Variants in IRX4 observed in about 807,000 individuals in gnomAD.
IRX4 encodes iroquois homeobox 4, also known as iroquois-class homeodomain protein IRX-4.
In IRX4, 22 loss-of-function variants were observed where a neutral mutation model predicts 32.0. The observed-to-expected ratio is 0.69, with a 90% CI of 0.49 to 0.98. The LOEUF is 0.98. Among genes scored for constraint, IRX4 ranks in the 50% least tolerant of loss-of-function variants. The pLI, the probability that IRX4 is intolerant of heterozygous loss-of-function variation, is 0.00. For missense variants in IRX4, 840 were observed against 744.2 expected (o/e 1.13, Z -1.50); for synonymous variants, 379 against 351.7 (o/e 1.08, Z -0.87).
At chr5:1,885,807 G>C (rs1420905024), upstream of IRX4, among the ~76,000 whole-genome samples, 1 of 152,278 alleles carries the variant, frequency 6.6e-6, no homozygotes, top group Non-Finnish European at 1.5e-5. Context: ...CAAGCCTGGA[G>C]CGGAGGCACC....
chr5:1,880,962 A>T (rs1222395814), intron 2 of IRX4, 128 bp from the exon 3 acceptor site: 1 of 737,952 alleles, frequency 1.4e-6, no homozygotes, highest in Non-Finnish European at 2.4e-6. Context: ...CCCGGCAGGA[A>T]GGAGCTGATT....
chr5:1,886,771 T>G (rs566742339), upstream of IRX4: 1 of 150,036 alleles, frequency 6.7e-6, no homozygotes, highest in South Asian at 2.1e-4. Flanking sequence ...CGCAGCGGCC[T>G]CTGGAGAGCC....
In IRX4 at chr5:1,878,542, G is replaced by A. The variant is rs913933351; in HGVS notation, c.987C>T (p.Ser329=). 2.7e-6 allele frequency: 4 copies of A among 1,476,400 alleles called. No individual in the cohort carries two copies. Among genetic ancestry groups the A allele is most frequent in the Admixed American group, 2.5e-5 (1 of 40,378 alleles). The allele number at this position is 1,476,400 out of a possible 1,614,324, so 91.5% of individuals were successfully genotyped here. A position where few individuals can be genotyped will look rare whatever the true frequency, so the allele number is the denominator to read the frequency against. Residue 329 remains serine (S), a synonymous_variant, in exon 5 of 5, where the codon AGC becomes AGT. Transcript: ENST00000231357. Reference sequence around the variant, plus strand: ...GCAGTGGCTCCGGCCCGGCCGCCGCGCTGCGGAGACAGCTCCGGGCCCTCT... The same window carrying A: ...GCAGTGGCTCCGGCCCGGCCGCCGCACTGCGGAGACAGCTCCGGGCCCTCT... ...DLERARSCLR[S]AAAGPEPLPG...
upstream of IRX4, chr5:1,884,039 C>G (rs955091186): frequency 1.3e-5 from 2 of 152,378 alleles, no homozygotes; most frequent in Non-Finnish European, 2.9e-5. Context: ...CCAGGACTCC[C>G]TCGGCCAGTA....
Position 1,878,476 on chromosome 5 carries a change from C to G in IRX4, c.1053G>C (p.Leu351=). The G allele has an allele frequency of 6.9e-7, 1 of 1,448,940 alleles. No individual in the cohort carries two copies. The highest frequency in any genetic ancestry group is 9.0e-7 in the Non-Finnish European group (1 of 1,107,248). 89.8% of individuals were successfully genotyped at this position (1,448,940 alleles called of 1,614,324 possible). The change falls in exon 5 of 5, where the codon CTG becomes CTC. Residue 351 remains leucine (L), a synonymous_variant. Transcript: ENST00000231357. ...CCGACGCCCCCGCCGGCACAAACCCCAGCTTGGCCTCGCAGACCTGAGGGC... is the reference window on the plus strand; with the variant it reads ...CCGACGCCCCCGCCGGCACAAACCCGAGCTTGGCCTCGCAGACCTGAGGGC... ...EGGPQVCEAK[L]GFVPAGASAG...
chr5:1,878,779 T>G lies in IRX4; in HGVS notation c.750A>C (p.Lys250Asn). Residue 250 changes from lysine (K) to asparagine (N), a missense_variant, in exon 5 of 5, where the codon AAA becomes AAC. Around this residue, in one of 3 missense-constraint regions of IRX4, gnomAD observed 585 missense variants for 488.0 expected, o/e 1.20. Coordinates refer to ENST00000231357, the MANE Select transcript of IRX4 (RefSeq NM_016358.3). ...CACTAAGCTCCAGCTCCTTCTCCTC[T>G]TTGCCCACGGGCTCTGCGGGAGAGA... Reference protein sequence around the residue: ...KSSKNAEPVGKEEKELELSDL... With the variant: ...KSSKNAEPVGNEEKELELSDL... 2 of 1,613,230 alleles carry G rather than the reference T, an allele frequency of 1.2e-6. No homozygotes were observed. Among genetic ancestry groups the G allele is most frequent in the Non-Finnish European group, 1.7e-6 (2 of 1,179,878 alleles).
chr5:1,878,400 C>T lies in IRX4; in HGVS notation c.1129G>A (p.Ala377Thr), dbSNP rs1269204153. ...AGGGAGGTGGCGGCGGCGGCGGCGG[C>T]GGTGGCTGTGTGGGCCAGGGACCAG... ...RIWSLAHTAT[A>T]AAAAATSLSQ... Residue 377 changes from alanine to threonine, a missense_variant, in exon 5 of 5, where the codon GCC (alanine) becomes ACC (threonine). This residue lies in a region of IRX4 where 585 missense variants were observed against 488.0 expected (regional missense o/e 1.20). Coordinates refer to ENST00000231357, the MANE Select transcript of IRX4 (RefSeq NM_016358.3). The T allele has an allele frequency of 2.4e-5, 37 of 1,517,962 alleles. No homozygotes were observed. Among genetic ancestry groups the T allele is most frequent in the South Asian group, 6.2e-5 (5 of 81,146 alleles). The allele number at this position is 1,517,962 out of a possible 1,614,324, so 94.0% of individuals were successfully genotyped here.
Position 1,877,859 on chromosome 5 carries a change from G to A in IRX4, c.*110C>T. The A allele has an allele frequency of 9.7e-7, 1 of 1,032,650 alleles. No individual in the cohort carries two copies. The highest frequency in any genetic ancestry group is 1.4e-6 in the Non-Finnish European group (1 of 721,894). 64.0% of individuals were successfully genotyped at this position (1,032,650 alleles called of 1,614,324 possible). On this transcript the variant is annotated 3_prime_UTR_variant, in exon 5 of 5. Transcript: ENST00000231357. ...AGTTCAGAAGCCCCCTCTCCGGTGG[G>A]TTGGCGGCTTCGCGGTGGCCGCGCT...
Position 1,882,592 on chromosome 5 carries a change from G to A in IRX4, c.45+11C>T. On this transcript the variant is annotated intron_variant, in intron 1 of 4. Transcript: ENST00000231357. The stretch of plus-strand genomic sequence containing the variant: ...CCTGCGGTGGCCTGGGCGGGGCGGG[G>A]CTCCGCTTACCTGGGGAGCCGAGGA... 6.7e-7 allele frequency: 1 copy of A among 1,484,844 alleles called. No individual in the cohort carries two copies. The highest frequency in any genetic ancestry group is 1.5e-5 in the African/African-American group (1 of 67,532). 92.0% of individuals were successfully genotyped at this position (1,484,844 alleles called of 1,614,324 possible).
chr5:1,880,223 C>T (rs1487882495), intron 3 of IRX4: 2 of 1,186,250 alleles, frequency 1.7e-6, no homozygotes, highest in Non-Finnish European at 2.4e-6. Context: ...CATTACTGCC[C>T]AGGAGGAGAA....
chr5:1,882,597 G>A lies in IRX4; in HGVS notation c.45+6C>T. 6.8e-7 allele frequency: 1 copy of A among 1,479,656 alleles called. No homozygotes were observed. The highest frequency in any genetic ancestry group is 8.9e-7 in the Non-Finnish European group (1 of 1,120,126). The allele number at this position is 1,479,656 out of a possible 1,614,324, so 91.7% of individuals were successfully genotyped here. A position where few individuals can be genotyped will look rare whatever the true frequency, so the allele number is the denominator to read the frequency against. On this transcript the variant is annotated splice_donor_region_variant and intron_variant, in intron 1 of 4. Transcript: ENST00000231357. Reference sequence around the variant, plus strand: ...GGTGGCCTGGGCGGGGCGGGGCTCCGCTTACCTGGGGAGCCGAGGAGTAGG... The same window carrying A: ...GGTGGCCTGGGCGGGGCGGGGCTCCACTTACCTGGGGAGCCGAGGAGTAGG...
rs1042532916 is a variant in IRX4 at position 1,880,988 on chromosome 5, A to C, written c.298-154T>G. On this transcript the variant is annotated intron_variant, in intron 2 of 4. Transcript: ENST00000231357. ...GGAGCTGATTTCCCGCTTGCTTTAA[A>C]ACCTGGTCTCGCAAACCTGAAGTGG... 4 of 580,226 alleles carry C rather than the reference A, an allele frequency of 6.9e-6. No homozygotes were observed. The African/African-American group carries it at 7.8e-5, about 11-fold the overall frequency. The allele number at this position is 580,226 out of a possible 1,614,324, so 35.9% of individuals were successfully genotyped here.
At chr5:1,881,427 G>C (rs990694095) in intron 2 of IRX4, among the ~76,000 whole-genome samples, 7 of 151,456 alleles carry the variant, frequency 4.6e-5, no homozygotes, top group African/African-American at 1.7e-4. Flanking sequence ...AGTCAGAGAG[G>C]GGCTGGGAGG....
In IRX4 at chr5:1,878,423, C is replaced by A. The variant is rs1417727170; in HGVS notation, c.1106G>T (p.Trp369Leu). 6.6e-7 allele frequency: 1 copy of A among 1,518,012 alleles called. No individual in the cohort carries two copies. Among genetic ancestry groups the A allele is most frequent in the Non-Finnish European group, 8.8e-7 (1 of 1,137,346 alleles). The allele number at this position is 1,518,012 out of a possible 1,614,324, so 94.0% of individuals were successfully genotyped here. Residue 369 changes from tryptophan to leucine, a missense_variant, in exon 5 of 5, where the codon TGG becomes TTG. Coordinates refer to ENST00000231357, the MANE Select transcript of IRX4 (RefSeq NM_016358.3). Reference sequence around the variant, plus strand: ...GGCGGTGGCTGTGTGGGCCAGGGACCAGATGCGCGGCTTAGCCTCCAGGCC... The same window carrying A: ...GGCGGTGGCTGTGTGGGCCAGGGACAAGATGCGCGGCTTAGCCTCCAGGCC... ...SAGLEAKPRIWSLAHTATAAA... is the reference protein window; with the variant it reads ...SAGLEAKPRILSLAHTATAAA...
chr5:1,885,344 G>T (rs908328367), upstream of IRX4, among the ~76,000 whole-genome samples: 2 of 152,162 alleles, frequency 1.3e-5, no homozygotes, highest in Non-Finnish European at 2.9e-5. Context: ...GGCTTCCTTT[G>T]ACCACCACCG....
At chr5:1,878,995 A>ATTTT (rs546723700) in intron 4 of IRX4, among the ~76,000 whole-genome samples, 17 of 145,136 alleles carry the variant, frequency 1.2e-4, no homozygotes, top group African/African-American at 4.1e-4. Flanking sequence ...GGGGTGTCTA[A>ATTTT]TTTTTTTTTT....
chr5:1,882,207 A>G, intron 1 of IRX4, 148 bp from the exon 2 acceptor site: 1 of 994,718 alleles, frequency 1.0e-6, no homozygotes, highest in Non-Finnish European at 1.4e-6. Context: ...GCCCCTTTCC[A>G]CTAGCTTGTG....
chr5:1,881,300 G>A (rs1324888813), intron 2 of IRX4, among the ~76,000 whole-genome samples: 2 of 124,508 alleles, frequency 1.6e-5, no homozygotes, highest in African/African-American at 6.3e-5. Flanking sequence ...AGGGAGGAGA[G>A]AAATGGGGAG....
chr5:1,880,881 C>T (rs764393335), intron 2 of IRX4, 47 bp from the exon 3 acceptor site: 20 of 1,395,788 alleles, frequency 1.4e-5, no homozygotes, highest in Non-Finnish European at 2.0e-5. Flanking sequence ...GGAGGCAACC[C>T]CACTCCAGCC....
Sources: allele counts gnomAD v4.1 joint callset (sites outside exome capture counted in the v4.1 genomes callset), GRCh38; gene constraint gnomAD v4.1.1; regional missense constraint gnomAD v4.1.1; transcripts MANE v1.5; gene names NCBI Gene and HGNC (gene_info 2026-07-23, HGNC 2026-07-21).